ADCY3: variants seen among roughly 807,000 people sequenced by gnomAD.
ADCY3 encodes adenylate cyclase type 3.
Under a neutral mutation model 119.4 loss-of-function variants are expected in ADCY3, and 70 were observed. That is an observed-to-expected ratio of 0.59 (90% confidence interval 0.48 to 0.72). The LOEUF is 0.72. Among genes scored for constraint, ADCY3 ranks in the 30% least tolerant of loss-of-function variants. ADCY3 has a pLI of 0.00. For missense variants in ADCY3, 1,238 were observed against 1,541.6 expected (o/e 0.80, Z 3.30); for synonymous variants, 672 against 621.4 (o/e 1.08, Z -1.21).
At chr2:24,895,789 C>A (rs1461124244) in intron 2 of ADCY3, among the ~76,000 whole-genome samples, 1 of 152,080 alleles carries the variant, frequency 6.6e-6, no homozygotes, top group African/African-American at 2.4e-5. Context: ...CCACTCCTGG[C>A]TAATTTTTGT....
chr2:24,878,490 T>C lies in ADCY3; in HGVS notation c.676-5771A>G, dbSNP rs187039159. On this transcript the variant is annotated intron_variant, in intron 2 of 21. Transcript: ENST00000679454. This position sits in a 1 kb window ranked among gnomAD's most constrained non-coding sequence, Gnocchi z 4.0. ...CACTCTGGAACTGTGGAGAAGAAGC[T>C]GAGCAAGAGAAAGCTGCTCAGGGTG... 5.9e-5 allele frequency among the ~76,000 whole-genome samples: 9 copies of C among 152,268 alleles called. No individual in the cohort carries two copies. In the East Asian group the frequency reaches 1.7e-3, roughly 29 times the overall value.
chr2:24,831,966 G>T (rs1572824244), intron 11 of ADCY3, among the ~76,000 whole-genome samples: 2 of 134,820 alleles, frequency 1.5e-5, no homozygotes, highest in African/African-American at 5.8e-5. Flanking sequence ...CAGGGGCCAG[G>T]GGGCAGCGGA....
chr2:24,883,280 G>A lies in ADCY3; in HGVS notation c.676-10561C>T, dbSNP rs765420703. ...GAAGAATCGCTTGAACCCGGGAGTC[G>A]GAGGTTGCAGTGAGCTGAGATCTCA... On this transcript the variant is annotated intron_variant, in intron 2 of 21. Coordinates refer to ENST00000679454, the MANE Select transcript of ADCY3 (RefSeq NM_004036.5). 4.6e-5 allele frequency among the ~76,000 whole-genome samples: 7 copies of A among 151,058 alleles called. No individual in the cohort carries two copies. The East Asian group carries it at 5.9e-4, about 13-fold the overall frequency.
chr2:24,915,077 G>T (rs1477173069), intron 2 of ADCY3, among the ~76,000 whole-genome samples: 2 of 152,184 alleles, frequency 1.3e-5, no homozygotes, highest in African/African-American at 2.4e-5. Flanking sequence ...GGGCATGGGG[G>T]GATAAGGGCT....
At chr2:24,914,969 G>T (rs1488636498) in intron 2 of ADCY3, among the ~76,000 whole-genome samples, 2 of 152,162 alleles carry the variant, frequency 1.3e-5, no homozygotes, top group Non-Finnish European at 2.9e-5. Context: ...CTGGCCTCCT[G>T]CGAGGAGCCC....
intron 15 of ADCY3, among the ~76,000 whole-genome samples, chr2:24,827,103 T>C (rs917487920): frequency 6.6e-6 from 1 of 152,190 alleles, no homozygotes; most frequent in African/African-American, 2.4e-5. Context: ...TCCTTGAAGG[T>C]CTGTTCAAGT....
intron 2 of ADCY3, among the ~76,000 whole-genome samples, chr2:24,901,772 T>C (rs1573032127): frequency 8.2e-6 from 1 of 122,058 alleles, no homozygotes; most frequent in African/African-American, 3.3e-5. Flanking sequence ...TAGCAAGACC[T>C]CATCTTTAAA....
chr2:24,872,725 C>G lies in ADCY3; in HGVS notation c.676-6G>C, dbSNP rs764216834. Reference sequence around the variant, plus strand: ...AGGAAGACGTTGGCCAGGATCTGCACCCCAAGGAAGAAGAGAGAAAAGGCC... The same window carrying G: ...AGGAAGACGTTGGCCAGGATCTGCAGCCCAAGGAAGAAGAGAGAAAAGGCC... On this transcript the variant is annotated splice_polypyrimidine_tract_variant and splice_region_variant and intron_variant, in intron 2 of 21. Coordinates refer to ENST00000679454, the MANE Select transcript of ADCY3 (RefSeq NM_004036.5). The surrounding 1 kb of genome is among the most constrained non-coding windows in gnomAD (Gnocchi z 4.4). 6.2e-7 allele frequency: 1 copy of G among 1,612,762 alleles called. No individual in the cohort carries two copies. The highest frequency in any genetic ancestry group is 1.7e-5 in the Admixed American group (1 of 59,890).
chr2:24,844,699 C>T (rs575841225), intron 3 of ADCY3, among the ~76,000 whole-genome samples: 2 of 152,342 alleles, frequency 1.3e-5, no homozygotes, highest in East Asian at 3.9e-4. Flanking sequence ...ATCTTCTGCA[C>T]TCTGTGGCTT....
Position 24,826,140 on chromosome 2 carries a change from C to T in ADCY3, c.2496-14G>A, listed in dbSNP as rs747439024. The T allele has an allele frequency of 3.2e-5, 51 of 1,612,814 alleles. No individual in the cohort carries two copies. The highest frequency in any genetic ancestry group is 5.5e-5 in the South Asian group (5 of 90,976). On this transcript the variant is annotated splice_polypyrimidine_tract_variant and intron_variant, in intron 15 of 21. Coordinates refer to ENST00000679454, the MANE Select transcript of ADCY3 (RefSeq NM_004036.5). ...ACCAGGGGCAGCCTGCTGGGCAGAG[C>T]GTGTGCAACTGAAAGGGCTGTCATC... is the stretch of plus-strand genomic sequence containing the variant.
chr2:24,859,188 CTG>C (rs1673352895), intron 3 of ADCY3, among the ~76,000 whole-genome samples: 1 of 152,190 alleles, frequency 6.6e-6, no homozygotes, highest in African/African-American at 2.4e-5. Flanking sequence ...GGGGACGTGT[CTG>C]TGTGTCTCCT....
intron 2 of ADCY3, among the ~76,000 whole-genome samples, chr2:24,891,347 C>G (rs1006352620): frequency 1.3e-5 from 2 of 152,122 alleles, no homozygotes; most frequent in African/African-American, 4.8e-5. Context: ...TTTGCTCTGT[C>G]CCACTAGAGA....
At chr2:24,887,922 A>AT (rs755567804) in intron 2 of ADCY3, among the ~76,000 whole-genome samples, 2 of 152,176 alleles carry the variant, frequency 1.3e-5, no homozygotes, top group Non-Finnish European at 2.9e-5. Flanking sequence ...TAGGCATATT[A>AT]TAAATTCCCA....
chr2:24,851,721 C>A (rs1672314344), intron 3 of ADCY3, among the ~76,000 whole-genome samples: 1 of 152,136 alleles, frequency 6.6e-6, no homozygotes, highest in African/African-American at 2.4e-5. Context: ...GAAATGGATC[C>A]TTCTGCTCTT....
intron 2 of ADCY3, among the ~76,000 whole-genome samples, chr2:24,883,458 G>C (rs1676657484): frequency 6.6e-6 from 1 of 152,204 alleles, no homozygotes; most frequent in Non-Finnish European, 1.5e-5. Flanking sequence ...GCTTGGGCTG[G>C]CCACACTCAG....
chr2:24,819,866 G>T lies in ADCY3; in HGVS notation c.*66C>A. ...GTGCACTTCAATCCAGGAAGGTCGG[G>T]ACTTCCTTCAGTTTCAAAAAATAAA... On this transcript the variant is annotated 3_prime_UTR_variant, in exon 22 of 22. Transcript: ENST00000679454. The T allele has an allele frequency of 6.5e-7, 1 of 1,529,374 alleles. No homozygotes were observed. The highest frequency in any genetic ancestry group is 8.9e-7 in the Non-Finnish European group (1 of 1,121,920). The allele number at this position is 1,529,374 out of a possible 1,614,324, so 94.7% of individuals were successfully genotyped here.
rs549749701 is a variant in ADCY3 at position 24,904,251 on chromosome 2, C to T, written c.675+14062G>A. Among the ~76,000 whole-genome samples, 4 of 152,242 alleles carry T rather than the reference C, an allele frequency of 2.6e-5. No homozygotes were observed. In the South Asian group the frequency reaches 8.3e-4, roughly 32 times the overall value. On this transcript the variant is annotated intron_variant, in intron 2 of 21. Transcript: ENST00000679454. The stretch of plus-strand genomic sequence containing the variant: ...AAGTACACTATTCCACTATTCTAGC[C>T]GGGTGTGGTGGCTCACGCCTGTAAT...
chr2:24,819,679 G>C lies in ADCY3; in HGVS notation c.*253C>G. The stretch of plus-strand genomic sequence containing the variant: ...GCCCCTCAGGGGCAAGGACGGCAGG[G>C]ATTGGAACGAGGGCTCTGGAAGGAC... On this transcript the variant is annotated 3_prime_UTR_variant, in exon 22 of 22. Coordinates refer to ENST00000679454, the MANE Select transcript of ADCY3 (RefSeq NM_004036.5). 1 of 409,174 alleles carries C rather than the reference G, an allele frequency of 2.4e-6. No homozygotes were observed. Among genetic ancestry groups the C allele is most frequent in the Non-Finnish European group, 4.4e-6 (1 of 229,462 alleles). 25.3% of individuals were successfully genotyped at this position (409,174 alleles called of 1,614,324 possible).
chr2:24,905,961 AC>A (rs1558521418), intron 2 of ADCY3, among the ~76,000 whole-genome samples: 1 of 152,094 alleles, frequency 6.6e-6, no homozygotes, highest in Non-Finnish European at 1.5e-5. Context: ...GTGAGGGTCG[AC>A]CAAGACTCAC....
Sources: allele counts gnomAD v4.1 joint callset (sites outside exome capture counted in the v4.1 genomes callset), GRCh38; gene constraint gnomAD v4.1.1; non-coding constraint Gnocchi (gnomAD v3.1); transcripts MANE v1.5; gene names NCBI Gene and HGNC (gene_info 2026-07-23, HGNC 2026-07-21).